Variants in CCDC141 observed in about 807,000 individuals in gnomAD.
CCDC141 encodes the protein coiled-coil domain containing 141.
A neutral mutation model predicts 181.0 loss-of-function variants in CCDC141; 168 were observed. The ratio of observed to expected loss-of-function variants is 0.93; its 90% CI spans 0.82 to 1.05. CCDC141 has a LOEUF of 1.05. CCDC141 is among the 50% of genes least tolerant of loss of function. The pLI, the probability that CCDC141 is intolerant of heterozygous loss-of-function variation, is 0.00. For synonymous variants in CCDC141, 666 were observed against 642.3 expected (o/e 1.04, Z -0.56); for missense variants, 1,902 against 1,788.5 (o/e 1.06, Z -1.14).
At chr2:178,949,338 C>A (rs1016923983) in intron 5 of CCDC141, among the ~76,000 whole-genome samples, 1 of 152,148 alleles carries the variant, frequency 6.6e-6, no homozygotes, top group Admixed American at 6.5e-5. Flanking sequence ...AACCTTTGCA[C>A]CCCTCCTATG....
intron 2 of CCDC141, among the ~76,000 whole-genome samples, chr2:179,004,418 G>T (rs2042066772): frequency 6.6e-6 from 1 of 152,092 alleles, no homozygotes; most frequent in African/African-American, 2.4e-5. Flanking sequence ...GCATACAAAT[G>T]ATCAATTTTT....
At chr2:178,982,804 C>G (rs535110929) in intron 2 of CCDC141, among the ~76,000 whole-genome samples, 5 of 152,326 alleles carry the variant, frequency 3.3e-5, no homozygotes, top group African/African-American at 7.2e-5. Flanking sequence ...GCACCTGGCT[C>G]GGAGGGTCCT....
chr2:178,853,536 A>G lies in CCDC141; in HGVS notation c.3149T>C (p.Ile1050Thr), dbSNP rs768432675. ...AAACTTATTAAACTGCTGGTGGAGAATTTTCACAGCTTCCTTTGTCTTGCA... is the reference window on the plus strand; with the variant it reads ...AAACTTATTAAACTGCTGGTGGAGAGTTTTCACAGCTTCCTTTGTCTTGCA... ...TECKTKEAVK[I>T]LHQQFNKFIA... The change falls in exon 20 of 24, where the codon ATT becomes ACT. Residue 1050 changes from isoleucine (I) to threonine (T), a missense_variant. Transcript: ENST00000443758. The G allele has an allele frequency of 5.0e-6, 8 of 1,614,126 alleles. No homozygotes were observed. The highest frequency in any genetic ancestry group is 6.8e-6 in the Non-Finnish European group (8 of 1,179,992).
intron 7 of CCDC141, among the ~76,000 whole-genome samples, chr2:178,915,572 T>C (rs1688408834): frequency 6.6e-6 from 1 of 152,210 alleles, no homozygotes; most frequent in South Asian, 2.1e-4. Flanking sequence ...TTTTCAAGAA[T>C]GAAATTGATT....
intron 20 of CCDC141, among the ~76,000 whole-genome samples, chr2:178,852,687 T>G (rs979366838): frequency 6.6e-6 from 1 of 152,214 alleles, no homozygotes; most frequent in African/African-American, 2.4e-5. Context: ...TACCAACTGT[T>G]GTGTCTTCTT....
At chr2:179,015,122 T>G in intron 2 of CCDC141, among the ~76,000 whole-genome samples, 2 of 93,616 alleles carry the variant, frequency 2.1e-5, no homozygotes, top group Non-Finnish European at 2.3e-5. Context: ...TATAATCATA[T>G]ATATATATCA....
At chr2:178,902,225 T>C (rs1488808043) in intron 8 of CCDC141, among the ~76,000 whole-genome samples, 3 of 152,164 alleles carry the variant, frequency 2.0e-5, no homozygotes, top group African/African-American at 7.2e-5. Flanking sequence ...AAGCTACCAA[T>C]GACTTTCTTC....
At chr2:178,824,871 C>T (rs1684095865), downstream of CCDC141, among the ~76,000 whole-genome samples, 1 of 152,098 alleles carries the variant, frequency 6.6e-6, no homozygotes, top group Non-Finnish European at 1.5e-5. Context: ...GGGGTCTTTA[C>T]AGTGCTCTAC....
chr2:178,872,662 C>T (rs1413952552), intron 12 of CCDC141, among the ~76,000 whole-genome samples: 2 of 152,142 alleles, frequency 1.3e-5, no homozygotes, highest in East Asian at 1.9e-4. Flanking sequence ...TTTAAGTATA[C>T]TCCATCTTTT....
chr2:179,015,558 C>CATATATCTCATATATATGAT (rs2042481628), intron 2 of CCDC141, among the ~76,000 whole-genome samples: 2 of 23,524 alleles, frequency 8.5e-5, no homozygotes, highest in East Asian at 1.8e-3. Flanking sequence ...TCTCATATCT[C>CATATATCTCATATATATGAT]ATATATATCT....
At chr2:178,863,991 T>G (rs1261224654) in intron 17 of CCDC141, among the ~76,000 whole-genome samples, 1 of 152,118 alleles carries the variant, frequency 6.6e-6, no homozygotes, top group Non-Finnish European at 1.5e-5. Flanking sequence ...CATGAGGCAG[T>G]CCCTATAAAT....
intron 6 of CCDC141, among the ~76,000 whole-genome samples, chr2:178,924,837 G>A (rs1343529260): frequency 2.0e-5 from 3 of 152,172 alleles, no homozygotes; most frequent in Middle Eastern, 3.2e-3. Context: ...CAGACATATG[G>A]TAGAAAATCA....
intron 3 of CCDC141, among the ~76,000 whole-genome samples, chr2:178,978,050 C>T (rs1010258553): frequency 3.3e-5 from 5 of 152,242 alleles, no homozygotes; most frequent in African/African-American, 1.2e-4. Context: ...ATGGAATATT[C>T]TATAATTGCC....
chr2:178,834,939 T>C (rs1330752742), intron 23 of CCDC141, among the ~76,000 whole-genome samples: 1 of 151,942 alleles, frequency 6.6e-6, no homozygotes, highest in African/African-American at 2.4e-5. Flanking sequence ...TTTGGAAAAC[T>C]GAATTTTTTG....
intron 8 of CCDC141, 62 bp from the exon 9 acceptor site, chr2:178,888,730 A>G (rs1225555080): frequency 6.6e-7 from 1 of 1,524,158 alleles, no homozygotes; most frequent in Non-Finnish European, 8.9e-7. Flanking sequence ...GAATATTTGA[A>G]AACAGATCTG....
In CCDC141 at chr2:178,832,193, A is replaced by G. The variant is rs1261380492; in HGVS notation, c.*1980T>C. ...ACGTGGGCAACAGCAGTTAGGCAAG[A>G]TTCACACATTATTTGAAATTGGACA... On this transcript the variant is annotated 3_prime_UTR_variant, in exon 24 of 24. Coordinates refer to ENST00000443758, the MANE Select transcript of CCDC141 (RefSeq NM_173648.4). The G allele has an allele frequency of 6.6e-6, 1 of 152,188 alleles. No homozygotes were observed. Among genetic ancestry groups the G allele is most frequent in the East Asian group, 1.9e-4 (1 of 5,202 alleles). 9.4% of individuals were successfully genotyped at this position (152,188 alleles called of 1,614,324 possible).
rs1368353033 is a variant in CCDC141 at position 179,047,369 on chromosome 2, T to A, written c.140A>T (p.Gln47Leu). 6.5e-7 allele frequency: 1 copy of A among 1,538,342 alleles called. No individual in the cohort carries two copies. The highest frequency in any genetic ancestry group is 8.7e-7 in the Non-Finnish European group (1 of 1,143,410). ...KWVQLQLAES[Q>L]PNLLEIGSSQ... ...GCTGCCAATTTCTAGAAGATTGGGC[T>A]GTGATTCAGCCAGTTGAAGTTGTAC... Residue 47 changes from glutamine (Q) to leucine (L), a missense_variant, in exon 2 of 24, where the codon CAG becomes CTG. Coordinates refer to ENST00000443758, the MANE Select transcript of CCDC141 (RefSeq NM_173648.4).
At chr2:178,945,241 AATGATGCCAACACTTGAC>A (rs571687223) in intron 5 of CCDC141, among the ~76,000 whole-genome samples, 7 of 152,294 alleles carry the variant, frequency 4.6e-5, no homozygotes, top group Admixed American at 2.6e-4. Context: ...TACCTTTCTA[AATGATGCCAACACTTGAC>A]ATGGGGGCCC....
chr2:178,932,918 A>AT (rs1166008530), intron 6 of CCDC141, among the ~76,000 whole-genome samples: 4 of 152,076 alleles, frequency 2.6e-5, no homozygotes, highest in Non-Finnish European at 5.9e-5. Flanking sequence ...ATTTATAAAT[A>AT]TTTTTTAACT....
Sources: gnomAD v4.1 joint callset for allele counts (sites outside exome capture counted in the v4.1 genomes callset) on GRCh38, gnomAD v4.1.1 for gene constraint, MANE v1.5 for transcripts, NCBI Gene and HGNC (gene_info 2026-07-23, HGNC 2026-07-21) for gene names.